DLGAP2: variants seen among roughly 807,000 people sequenced by gnomAD.
The protein encoded by DLGAP2 is DLG associated protein 2, also known as disks large-associated protein 2.
In DLGAP2, 26 loss-of-function variants were observed where a neutral mutation model predicts 100.3. The observed-to-expected ratio is 0.26, with a 90% CI of 0.19 to 0.36. DLGAP2 has a LOEUF of 0.36. DLGAP2 is among the 10% of genes least tolerant of loss of function. The pLI, the probability that DLGAP2 is intolerant of heterozygous loss-of-function variation, is 1.00. For missense variants in DLGAP2, 1,858 were observed against 1,453.2 expected, an observed-to-expected ratio of 1.28 and a Z score of -4.53; for synonymous variants, 886 against 630.1, an observed-to-expected ratio of 1.41 and a Z score of -6.08.
intron 2 of DLGAP2, chr8:1,003,386 A>C (rs1801016362): frequency 6.6e-6 from 1 of 152,232 alleles, no homozygotes; most frequent in African/African-American, 2.4e-5. Context: ...CCATCAGTGT[A>C]AGGTGCAGTG....
chr8:741,338 C>G (rs917332734), intron 1 of DLGAP2, among the ~76,000 whole-genome samples: 1 of 152,188 alleles, frequency 6.6e-6, no homozygotes, highest in Admixed American at 6.5e-5. Flanking sequence ...ATCTCCTCAG[C>G]AAAGGCAGTA....
chr8:1,353,196 G>A (rs947377270), intron 3 of DLGAP2, among the ~76,000 whole-genome samples: 1 of 152,186 alleles, frequency 6.6e-6, no homozygotes, highest in African/African-American at 2.4e-5. Context: ...AGGATGTCCT[G>A]CATTAGCTTC....
At chr8:1,374,224 G>T (rs111896820) in intron 3 of DLGAP2, among the ~76,000 whole-genome samples, 1 of 150,078 alleles carries the variant, frequency 6.7e-6, no homozygotes, top group African/African-American at 2.5e-5. Flanking sequence ...GTGGTGGAGG[G>T]TAGGTCACGT....
intron 2 of DLGAP2, among the ~76,000 whole-genome samples, chr8:1,013,250 C>T (rs1801349381): frequency 1.3e-5 from 2 of 152,100 alleles, no homozygotes; most frequent in Non-Finnish European, 2.9e-5. Context: ...AAAAGTTAAG[C>T]ATTTGTGAAC....
intron 1 of DLGAP2, among the ~76,000 whole-genome samples, chr8:772,320 T>G (rs147142544): frequency 6.6e-6 from 1 of 152,262 alleles, no homozygotes; most frequent in African/African-American, 2.4e-5. Flanking sequence ...AATCATTATA[T>G]TAATATTAAT....
intron 2 of DLGAP2, among the ~76,000 whole-genome samples, chr8:1,180,337 T>C (rs1368168465): frequency 6.6e-6 from 1 of 152,240 alleles, no homozygotes; most frequent in Non-Finnish European, 1.5e-5. Flanking sequence ...AGTTACACCC[T>C]GGCCACCAGA....
chr8:888,619 A>G (rs1451880831), intron 1 of DLGAP2, among the ~76,000 whole-genome samples: 4 of 149,910 alleles, frequency 2.7e-5, no homozygotes, highest in South Asian at 2.1e-4. Flanking sequence ...TTTTTTTTCA[A>G]TAATCCGGTC....
In DLGAP2 at chr8:1,180,562, C is replaced by A. The variant is rs183116125; in HGVS notation, c.74-78289C>A. Among the ~76,000 whole-genome samples the A allele has an allele frequency of 2.0e-5, 3 of 152,074 alleles. No homozygotes were observed. The East Asian group carries it at 5.8e-4, about 30-fold the overall frequency. ...TTCACACAAGAACCAGTGCGTGTGGCACACATCGTGTGCAATGGCAGCACA... is the reference window on the plus strand; with the variant it reads ...TTCACACAAGAACCAGTGCGTGTGGAACACATCGTGTGCAATGGCAGCACA... On this transcript the variant is annotated intron_variant, in intron 2 of 14. Transcript: ENST00000637795.
chr8:1,462,947 G>A (rs1798502046), intron 3 of DLGAP2, among the ~76,000 whole-genome samples: 1 of 152,208 alleles, frequency 6.6e-6, no homozygotes, highest in South Asian at 2.1e-4. Flanking sequence ...GAAGTTGGAA[G>A]TAAAATTAAA....
rs116737615 is a variant in DLGAP2, at chr8:1,452,235, G to A, written c.107-49131G>A. ...GTGTTCTGTGGCTGGGTGTTCTGTG[G>A]CTGCGTGTTCTGTGGCCATGTGTTC... On this transcript the variant is annotated intron_variant, in intron 3 of 14. Coordinates refer to ENST00000637795, the MANE Select transcript of DLGAP2 (RefSeq NM_001346810.2). Among the ~76,000 whole-genome samples, 903 of 152,234 alleles carry A rather than the reference G, an allele frequency of 5.9e-3. 10 individuals are homozygous for A. The highest frequency in any genetic ancestry group is 0.02 in the African/African-American group (812 of 41,526).
intron 1 of DLGAP2, among the ~76,000 whole-genome samples, chr8:860,275 G>A (rs1033240907): frequency 1.3e-5 from 2 of 152,156 alleles, no homozygotes; most frequent in African/African-American, 4.8e-5. Flanking sequence ...ATGACACCCC[G>A]GGTTTTGCAG....
intron 1 of DLGAP2, among the ~76,000 whole-genome samples, chr8:772,785 C>T (rs1308682501): frequency 2.0e-5 from 3 of 152,208 alleles, no homozygotes; most frequent in African/African-American, 4.8e-5. Context: ...CCACACATGG[C>T]TTCTTGTGGC....
At chr8:965,666 C>T (rs1292233480) in intron 2 of DLGAP2, among the ~76,000 whole-genome samples, 16 of 142,646 alleles carry the variant, frequency 1.1e-4, no homozygotes, top group South Asian at 4.5e-4. Flanking sequence ...AGTCTGACCC[C>T]GCACTGCACA....
At chr8:1,498,716 G>T (rs1017084949) in intron 3 of DLGAP2, among the ~76,000 whole-genome samples, 1 of 152,212 alleles carries the variant, frequency 6.6e-6, no homozygotes, top group Non-Finnish European at 1.5e-5. Flanking sequence ...GTATGTGAAT[G>T]TGGTCTCTGT....
rs549785421 is a variant in DLGAP2 at position 858,281 on chromosome 8, G to A, written c.19-49631G>A. 2.8e-3 allele frequency among the ~76,000 whole-genome samples: 421 copies of A among 152,374 alleles called. 1 individual carries two copies. Among genetic ancestry groups the A allele is most frequent in the Non-Finnish European group, 4.5e-3 (306 of 68,042 alleles). ...ATGATCTACCAGGCTGTGAAAGGAC[G>A]TGGAGCAACCGTAAATGCACGTGAC... On this transcript the variant is annotated intron_variant, in intron 1 of 14. Coordinates refer to ENST00000637795, the MANE Select transcript of DLGAP2 (RefSeq NM_001346810.2).
At chr8:1,043,192 T>TCA (rs1802414373) in intron 2 of DLGAP2, among the ~76,000 whole-genome samples, 1 of 31,396 alleles carries the variant, frequency 3.2e-5, no homozygotes, top group Non-Finnish European at 5.8e-5. Context: ...TGGTGGGTGT[T>TCA]GGTGGTGGAT....
intron 4 of DLGAP2, among the ~76,000 whole-genome samples, chr8:1,511,970 G>A (rs1019089816): frequency 1.3e-5 from 2 of 152,270 alleles, no homozygotes; most frequent in African/African-American, 4.8e-5. Context: ...CACCACTCGG[G>A]TTTGGTATTG....
At chr8:1,055,892 C>G (rs575621214) in intron 2 of DLGAP2, among the ~76,000 whole-genome samples, 1 of 152,320 alleles carries the variant, frequency 6.6e-6, no homozygotes, top group East Asian at 1.9e-4. Context: ...ATCTCTGCTT[C>G]TCAATCTTCA....
chr8:921,376 G>A (rs1296847620), intron 2 of DLGAP2, among the ~76,000 whole-genome samples: 1 of 151,556 alleles, frequency 6.6e-6, no homozygotes, highest in African/African-American at 2.4e-5. Flanking sequence ...CGACCTCCCT[G>A]TTGCAGTGTT....
Sources: gnomAD v4.1 joint callset for allele counts (sites outside exome capture counted in the v4.1 genomes callset) on GRCh38, gnomAD v4.1.1 for gene constraint, MANE v1.5 for transcripts, NCBI Gene and HGNC (gene_info 2026-07-23, HGNC 2026-07-21) for gene names.